The following PPARGC1B variants were observed in gnomAD, a reference collection of about 807,000 sequenced individuals.
The protein encoded by PPARGC1B is peroxisome proliferator-activated receptor gamma coactivator 1-beta.
In PPARGC1B, 34 loss-of-function variants were observed where a neutral mutation model predicts 101.6. That is an observed-to-expected ratio of 0.33 (90% CI 0.25 to 0.45). PPARGC1B has a LOEUF of 0.45. Among genes scored for constraint, PPARGC1B ranks in the 20% least tolerant of loss-of-function variants. The pLI is 1.00. For missense variants in PPARGC1B, 1,234 were observed against 1,317.6 expected (o/e 0.94, Z 0.98); for synonymous variants, 548 against 539.3 (o/e 1.02, Z -0.22).
chr5:149,774,425 A>G (rs558563535), intron 1 of PPARGC1B, among the ~76,000 whole-genome samples: 1 of 152,252 alleles, frequency 6.6e-6, no homozygotes, highest in East Asian at 1.9e-4. Flanking sequence ...TATAGCATTT[A>G]GCAGTGAGCC....
intron 1 of PPARGC1B, chr5:149,817,695 G>C (rs760133665): frequency 1.5e-5 from 7 of 456,198 alleles, no homozygotes; most frequent in Non-Finnish European, 3.1e-5. Context: ...CCACTAGAAT[G>C]GCTAAAATAA....
chr5:149,787,180 A>G (rs1357288667), intron 1 of PPARGC1B, among the ~76,000 whole-genome samples: 2 of 152,204 alleles, frequency 1.3e-5, no homozygotes, highest in East Asian at 3.9e-4. Context: ...TTCCAGTAGC[A>G]TCAGCCAGTA....
In PPARGC1B at chr5:149,846,918, C is replaced by T. The variant is rs180889531; in HGVS notation, c.2972-540C>T. The T allele has an allele frequency of 5.3e-5, 9 of 169,300 alleles. No individual in the cohort carries two copies. In the South Asian group the frequency reaches 1.3e-3, roughly 25 times the overall value. The allele number at this position is 169,300 out of a possible 1,614,324, so 10.5% of individuals were successfully genotyped here. A position where few individuals can be genotyped will look rare whatever the true frequency, so the allele number is the denominator to read the frequency against. ...TGGCCAACATGGTGAAACCCCCTCT[C>T]TATTAAAAATACAAAAATTAGCTGG... On this transcript the variant is annotated intron_variant, in intron 11 of 11. Coordinates refer to ENST00000309241, the MANE Select transcript of PPARGC1B (RefSeq NM_133263.4).
intron 1 of PPARGC1B, among the ~76,000 whole-genome samples, chr5:149,739,704 C>T (rs1027724489): frequency 2.0e-5 from 3 of 152,124 alleles, no homozygotes; most frequent in African/African-American, 4.8e-5. Context: ...TTTGGATGGC[C>T]GTGGGACCCT....
At chr5:149,756,250 A>T (rs542136304) in intron 1 of PPARGC1B, among the ~76,000 whole-genome samples, 2 of 152,134 alleles carry the variant, frequency 1.3e-5, no homozygotes, top group Admixed American at 6.5e-5. Flanking sequence ...TCACTTGAGG[A>T]CAGGAGTTTG....
Position 149,730,968 on chromosome 5 carries a change from A to T in PPARGC1B, c.78+548A>T, listed in dbSNP as rs1026056847. Among the ~76,000 whole-genome samples, 4 of 152,314 alleles carry T rather than the reference A, an allele frequency of 2.6e-5. No homozygotes were observed. The highest frequency in any genetic ancestry group is 3.4e-3 in the Middle Eastern group (1 of 294). On this transcript the variant is annotated intron_variant, in intron 1 of 11. Transcript: ENST00000309241. The surrounding 1 kb of genome is among the most constrained non-coding windows in gnomAD (Gnocchi z 4.0). ...TTCCTGCCAGTTGCCGGCTAAAGGC[A>T]TAAGGGTCTGCGGGGCACGTGGACA...
intron 1 of PPARGC1B, among the ~76,000 whole-genome samples, chr5:149,793,217 CT>C (rs1757088130): frequency 6.6e-6 from 1 of 152,034 alleles, no homozygotes; most frequent in South Asian, 2.1e-4. Flanking sequence ...TTTTGCCTTC[CT>C]GAGAAGTGGG....
At chr5:149,735,170 G>A (rs1754655810) in intron 1 of PPARGC1B, among the ~76,000 whole-genome samples, 1 of 152,224 alleles carries the variant, frequency 6.6e-6, no homozygotes, top group Non-Finnish European at 1.5e-5. Flanking sequence ...ACCTGAGCCA[G>A]AAGGGGTCAT....
At chr5:149,842,137 ATT>A in intron 9 of PPARGC1B, 117 bp from the exon 10 acceptor site, 1 of 1,279,576 alleles carries the variant, frequency 7.8e-7, no homozygotes, top group Non-Finnish European at 1.1e-6. Context: ...TCCAGCCGGT[ATT>A]GCTCACTCAG....
At chr5:149,788,380 T>C (rs901427145) in intron 1 of PPARGC1B, among the ~76,000 whole-genome samples, 6 of 152,216 alleles carry the variant, frequency 3.9e-5, no homozygotes, top group Non-Finnish European at 7.3e-5. Flanking sequence ...AATGAGATAC[T>C]GTCTCACACC....
At chr5:149,818,884 T>C (rs1447472205) in intron 1 of PPARGC1B, 12 of 456,566 alleles carry the variant, frequency 2.6e-5, no homozygotes, top group Non-Finnish European at 4.8e-5. Flanking sequence ...GTTTTACAGA[T>C]GAAGGGACTT....
At chr5:149,828,997 G>A (rs1029092139) in intron 3 of PPARGC1B, among the ~76,000 whole-genome samples, 7 of 152,018 alleles carry the variant, frequency 4.6e-5, no homozygotes, top group African/African-American at 7.3e-5. Flanking sequence ...GCCTCAGTGA[G>A]CTAGGATCAT....
At chr5:149,784,567 T>TC (rs1561535405) in intron 1 of PPARGC1B, among the ~76,000 whole-genome samples, 33 of 139,926 alleles carry the variant, frequency 2.4e-4, no homozygotes, top group African/African-American at 7.7e-4. Flanking sequence ...TTTCTTTTTT[T>TC]TTTTTTTTTT....
rs1754415731 is a variant in PPARGC1B at position 149,730,590 on chromosome 5, A to G, written c.78+170A>G. ...CTGCGATGCGCTCCGTTACCGGGGC[A>G]GGGAGCCGGAGGTCTCCCGGCGCGT... On this transcript the variant is annotated intron_variant, in intron 1 of 11. Coordinates refer to ENST00000309241, the MANE Select transcript of PPARGC1B (RefSeq NM_133263.4). The surrounding 1 kb of genome is among the most constrained non-coding windows in gnomAD (Gnocchi z 4.0). Among the ~76,000 whole-genome samples, 1 of 152,032 alleles carries G rather than the reference A, an allele frequency of 6.6e-6. No homozygotes were observed. The highest frequency in any genetic ancestry group is 2.1e-4 in the South Asian group (1 of 4,832).
At chr5:149,737,822 C>T (rs1240219348) in intron 1 of PPARGC1B, among the ~76,000 whole-genome samples, 4 of 151,966 alleles carry the variant, frequency 2.6e-5, no homozygotes, top group African/African-American at 7.3e-5. Flanking sequence ...GATGAAACCG[C>T]GTCTCTACTA....
chr5:149,820,890 G>A (rs113661189), intron 2 of PPARGC1B, among the ~76,000 whole-genome samples: 1 of 152,104 alleles, frequency 6.6e-6, no homozygotes, highest in African/African-American at 2.4e-5. Context: ...GTGCCACAGA[G>A]GTCCAAGTCC....
At chr5:149,845,551 A>G (rs1169986248) in intron 10 of PPARGC1B, 9 of 564,552 alleles carry the variant, frequency 1.6e-5, no homozygotes, top group Non-Finnish European at 2.8e-5. Flanking sequence ...GTGATGGCCA[A>G]CACCTGGCAG....
rs1759685122 is a variant in PPARGC1B, at chr5:149,849,240, A to T, written c.*1682A>T. ...AGATTATCAAATACCTCAGTAGGTA[A>T]AATGAGCCCATGATCTTCCACTGAG... On this transcript the variant is annotated 3_prime_UTR_variant, in exon 12 of 12. Coordinates refer to ENST00000309241, the MANE Select transcript of PPARGC1B (RefSeq NM_133263.4). 6.6e-6 allele frequency: 1 copy of T among 152,240 alleles called. No homozygotes were observed. Among genetic ancestry groups the T allele is most frequent in the South Asian group, 2.1e-4 (1 of 4,834 alleles). The allele number at this position is 152,240 out of a possible 1,614,324, so 9.4% of individuals were successfully genotyped here.
intron 2 of PPARGC1B, 53 bp from the exon 3 acceptor site, chr5:149,826,620 G>A: frequency 2.1e-6 from 3 of 1,406,272 alleles, no homozygotes; most frequent in Non-Finnish European, 3.0e-6. Flanking sequence ...CTAAGGTGGT[G>A]ACTAACCATC....
Sources: gnomAD v4.1 joint callset for allele counts (sites outside exome capture counted in the v4.1 genomes callset) on GRCh38, gnomAD v4.1.1 for gene constraint, Gnocchi (gnomAD v3.1) non-coding constraint, MANE v1.5 for transcripts, NCBI Gene and HGNC (gene_info 2026-07-23, HGNC 2026-07-21) for gene names.